Variants in CEMIP2 observed in about 807,000 individuals in gnomAD.
CEMIP2 encodes the protein cell migration inducing hyaluronidase 2.
CEMIP2 carries 79 observed loss-of-function variants against 146.9 expected under a neutral mutation model. That is an observed-to-expected ratio of 0.54 (90% CI 0.45 to 0.65). The LOEUF is 0.65. Ranked by LOEUF, CEMIP2 falls within the 30% of genes least tolerant of loss-of-function variation. CEMIP2 has a pLI of 0.00. For missense variants in CEMIP2, 1,596 were observed against 1,696.2 expected, an observed-to-expected ratio of 0.94 and a Z score of 1.04; for synonymous variants, 601 against 606.3, an observed-to-expected ratio of 0.99 and a Z score of 0.13.
rs180940327 is a variant in CEMIP2 at position 71,690,065 on chromosome 9, C to T, written c.3851+27G>A. 1.4e-4 allele frequency: 224 copies of T among 1,608,786 alleles called. 1 individual carries two copies. In the African/African-American group the frequency reaches 2.2e-3, roughly 16 times the overall value. On this transcript the variant is annotated intron_variant, in intron 22 of 23. Transcript: ENST00000377044. The stretch of plus-strand genomic sequence containing the variant: ...ACTCCACATCTTTAAGGTGGCTTTT[C>T]CCTGTTACAGCACAAGCTTGACCTA...
chr9:71,728,245 A>ACG lies in CEMIP2; in HGVS notation c.2049+1599_2049+1600insCG, dbSNP rs1231805063. Reference sequence around the variant, plus strand: ...TCTCTCTCTCTCTATATATATATATATATATGTATATACACGTATATATAT... The same window carrying ACG: ...TCTCTCTCTCTCTATATATATATATACGTATATGTATATACACGTATATATAT... On this transcript the variant is annotated intron_variant, in intron 10 of 23. Coordinates refer to ENST00000377044, the MANE Select transcript of CEMIP2 (RefSeq NM_013390.3). Among the ~76,000 whole-genome samples, 252 of 40,306 alleles carry ACG rather than the reference A, an allele frequency of 6.3e-3. 21 individuals carry two copies. The highest frequency in any genetic ancestry group is 0.013 in the Non-Finnish European group (214 of 17,024). 26.4% of individuals were successfully genotyped at this position (40,306 alleles called of 152,430 possible).
At chr9:71,721,414 A>G (rs1429249433) in intron 12 of CEMIP2, among the ~76,000 whole-genome samples, 1 of 151,716 alleles carries the variant, frequency 6.6e-6, no homozygotes, top group Non-Finnish European at 1.5e-5. Context: ...TTTGTGTTTT[A>G]TTTTTTAAAA....
Position 71,712,321 on chromosome 9 carries a change from T to C in CEMIP2, c.2592-61A>G, listed in dbSNP as rs1191319999. The C allele has an allele frequency of 2.0e-6, 3 of 1,517,954 alleles. No homozygotes were observed. In the African/African-American group the frequency reaches 4.2e-5, roughly 21 times the overall value. 94.0% of individuals were successfully genotyped at this position (1,517,954 alleles called of 1,614,324 possible). A position where few individuals can be genotyped will look rare whatever the true frequency, so the allele number is the denominator to read the frequency against. ...GCTGTCCCCTTAGCAGCACTTCACT[T>C]ACTTGTTTTATGAAGACAGCTAAAT... is the stretch of plus-strand genomic sequence containing the variant. On this transcript the variant is annotated intron_variant, in intron 15 of 23. Coordinates refer to ENST00000377044, the MANE Select transcript of CEMIP2 (RefSeq NM_013390.3).
chr9:71,762,258 C>T (rs2132045664), intron 1 of CEMIP2, among the ~76,000 whole-genome samples: 1 of 152,264 alleles, frequency 6.6e-6, no homozygotes, highest in South Asian at 2.1e-4. Flanking sequence ...AAAGGCAGAA[C>T]TTCTAATGAA....
At chr9:71,723,796 T>TGTGCCTGTGTGTGC (rs1351892547) in intron 11 of CEMIP2, among the ~76,000 whole-genome samples, 2 of 152,156 alleles carry the variant, frequency 1.3e-5, no homozygotes, top group East Asian at 3.9e-4. Context: ...CATGTGGGTG[T>TGTGCCTGTGTGTGC]GTGCCTGTGT....
At chr9:71,700,969 G>T in intron 18 of CEMIP2, 145 bp from the exon 19 acceptor site, 2 of 697,682 alleles carry the variant, frequency 2.9e-6, no homozygotes, top group Non-Finnish European at 4.4e-6. Context: ...TCTTCTGTGT[G>T]TTGGGCCACT....
chr9:71,757,738 CTGGTTTGGTTTGGTT>C (rs886889776), intron 1 of CEMIP2, among the ~76,000 whole-genome samples: 1 of 152,096 alleles, frequency 6.6e-6, no homozygotes. Context: ...TTTAGATCTT[CTGGTTTGGTTTGGTT>C]TGGTTTGGTT....
intron 18 of CEMIP2, 170 bp downstream of exon 18, chr9:71,704,425 G>C: frequency 3.0e-6 from 2 of 655,772 alleles, no homozygotes; most frequent in Non-Finnish European, 2.6e-6. Flanking sequence ...GATTCAATTT[G>C]TATAATCTCT....
rs1824211025 is a variant in CEMIP2, at chr9:71,750,287, T to C, written c.87A>G (p.Pro29=). ...GGGGACGCAATGGGACAACCTTCCC[T>C]GGAACATAGCCAGATGGGTGACGAC... is the stretch of plus-strand genomic sequence containing the variant. ...GNSRHPSGYV[P]GKVVPLRPPP... The change falls in exon 2 of 24, where the codon CCA becomes CCG. Residue 29 remains proline (P), a synonymous_variant. Transcript: ENST00000377044. 5.6e-6 allele frequency: 9 copies of C among 1,613,916 alleles called. No individual in the cohort carries two copies. The highest frequency in any genetic ancestry group is 6.8e-6 in the Non-Finnish European group (8 of 1,180,000).
At chr9:71,737,962 A>G (rs1262941008) in intron 5 of CEMIP2, among the ~76,000 whole-genome samples, 1 of 152,218 alleles carries the variant, frequency 6.6e-6, no homozygotes, top group Non-Finnish European at 1.5e-5. Flanking sequence ...GAGCTATTAT[A>G]TTTATTAGAG....
At chr9:71,742,220 T>C (rs929457576) in intron 4 of CEMIP2, among the ~76,000 whole-genome samples, 1 of 152,230 alleles carries the variant, frequency 6.6e-6, no homozygotes, top group Non-Finnish European at 1.5e-5. Flanking sequence ...GATTAGCTAC[T>C]CTTTGGACGA....
intron 1 of CEMIP2, among the ~76,000 whole-genome samples, chr9:71,765,490 T>A (rs754746944): frequency 6.6e-6 from 1 of 152,220 alleles, no homozygotes; most frequent in Non-Finnish European, 1.5e-5. Flanking sequence ...GTTTAGCAAG[T>A]GCCAAGCCTT....
At chr9:71,736,391 T>A (rs1487586059) in intron 5 of CEMIP2, among the ~76,000 whole-genome samples, 1 of 152,200 alleles carries the variant, frequency 6.6e-6, no homozygotes. Context: ...TATTTACGTA[T>A]GCACTACTCT....
chr9:71,736,975 C>A (rs2131983512), intron 5 of CEMIP2, among the ~76,000 whole-genome samples: 1 of 151,914 alleles, frequency 6.6e-6, no homozygotes. Flanking sequence ...AGGAGACCAG[C>A]CTGGGCAACA....
chr9:71,699,526 T>C (rs920792120), intron 19 of CEMIP2: 1 of 388,860 alleles, frequency 2.6e-6, no homozygotes, highest in Middle Eastern at 8.7e-4. Context: ...ACAATAAAAC[T>C]TTTAAGCTGA....
intron 1 of CEMIP2, 58 bp from the exon 2 acceptor site, chr9:71,750,443 T>A: frequency 8.5e-7 from 1 of 1,178,004 alleles, no homozygotes; most frequent in Non-Finnish European, 1.2e-6. Flanking sequence ...TTAATTTCTT[T>A]TATTTATTTA....
rs977789834 is a variant in CEMIP2 at position 71,698,975 on chromosome 9, G to C, written c.3378-771C>G. Among the ~76,000 whole-genome samples the C allele has an allele frequency of 2.0e-5, 3 of 150,002 alleles. No individual in the cohort carries two copies. The Admixed American group carries it at 2.0e-4, about 10-fold the overall frequency. On this transcript the variant is annotated intron_variant, in intron 19 of 23. Coordinates refer to ENST00000377044, the MANE Select transcript of CEMIP2 (RefSeq NM_013390.3). ...AGGTCAATAAACAGTACAAAGTTGA[G>C]ATTATGAGGTATAAATCAGCTCAAA...
At chr9:71,742,667 A>G (rs1340505622) in intron 4 of CEMIP2, among the ~76,000 whole-genome samples, 1 of 152,244 alleles carries the variant, frequency 6.6e-6, no homozygotes, top group Non-Finnish European at 1.5e-5. Context: ...ACTAGAAACA[A>G]TAGTAGCATG....
chr9:71,728,839 G>GTA (rs1338249074), intron 10 of CEMIP2, among the ~76,000 whole-genome samples: 3 of 151,670 alleles, frequency 2.0e-5, no homozygotes, highest in Non-Finnish European at 4.4e-5. Context: ...GTGTGTGTGT[G>GTA]TGTTTTTATT....
Sources: allele counts gnomAD v4.1 joint callset (sites outside exome capture counted in the v4.1 genomes callset), GRCh38; gene constraint gnomAD v4.1.1; transcripts MANE v1.5; gene names NCBI Gene and HGNC (gene_info 2026-07-23, HGNC 2026-07-21).